Variants in SATB2 observed in about 807,000 individuals in gnomAD.
SATB2 encodes the protein DNA-binding protein SATB2.
A neutral mutation model predicts 73.4 loss-of-function variants in SATB2; 1 was observed. The ratio of observed to expected loss-of-function variants is 0.01; its 90% CI spans 0.00 to 0.06. SATB2 has a LOEUF of 0.06. Among genes scored for constraint, SATB2 ranks in the 10% least tolerant of loss-of-function variants. SATB2 has a pLI of 1.00. For missense variants in SATB2, 459 were observed against 945.8 expected (o/e 0.49, Z 6.75); for synonymous variants, 397 against 367.0 (o/e 1.08, Z -0.93).
At chr2:199,273,144 T>C (rs771066694) in intron 10 of SATB2, among the ~76,000 whole-genome samples, 4 of 152,154 alleles carry the variant, frequency 2.6e-5, no homozygotes, top group Non-Finnish European at 4.4e-5. Flanking sequence ...TCCATAAAAG[T>C]AGGATAAGAA....
At chr2:199,384,064 G>A (rs1296103163) in intron 3 of SATB2, among the ~76,000 whole-genome samples, 1 of 152,104 alleles carries the variant, frequency 6.6e-6, no homozygotes, top group Non-Finnish European at 1.5e-5. Context: ...AGAGGGGAGG[G>A]AGAGAAATCT....
At chr2:199,320,370 G>A (rs1475896961) in intron 9 of SATB2, among the ~76,000 whole-genome samples, 1 of 152,046 alleles carries the variant, frequency 6.6e-6, no homozygotes, top group Non-Finnish European at 1.5e-5. Context: ...CACTAAACTG[G>A]TCCTAAATAG....
intron 8 of SATB2, among the ~76,000 whole-genome samples, chr2:199,327,217 A>T (rs1688053975): frequency 6.6e-6 from 1 of 152,260 alleles, no homozygotes; most frequent in Non-Finnish European, 1.5e-5. Context: ...AGGTGGGCAG[A>T]TTACTTGAGG....
chr2:199,439,934 G>C (rs916065347), intron 2 of SATB2, among the ~76,000 whole-genome samples: 3 of 151,972 alleles, frequency 2.0e-5, no homozygotes, highest in Non-Finnish European at 4.4e-5. Flanking sequence ...TGAGACCCCC[G>C]TATCTACTAA....
intron 6 of SATB2, among the ~76,000 whole-genome samples, chr2:199,357,334 T>C (rs1462292593): frequency 6.6e-6 from 1 of 152,166 alleles, no homozygotes; most frequent in African/African-American, 2.4e-5. Flanking sequence ...GACTGTCAAT[T>C]CAAAAAGTGA....
intron 3 of SATB2, among the ~76,000 whole-genome samples, chr2:199,404,893 A>T (rs2105896392): frequency 6.6e-6 from 1 of 152,344 alleles, no homozygotes; most frequent in African/African-American, 2.4e-5. Context: ...CAGAAGCGCA[A>T]ATCTCCATAT....
intron 9 of SATB2, among the ~76,000 whole-genome samples, chr2:199,321,553 T>TAC (rs913846475): frequency 2.0e-5 from 3 of 151,510 alleles, no homozygotes; most frequent in Non-Finnish European, 2.9e-5. Context: ...TGTATATATA[T>TAC]ACACACATAC....
intron 3 of SATB2, among the ~76,000 whole-genome samples, chr2:199,426,242 A>G (rs1691324088): frequency 6.6e-6 from 1 of 152,180 alleles, no homozygotes; most frequent in Non-Finnish European, 1.5e-5. Context: ...GAAGAAATAG[A>G]GAAAGCAAGA....
upstream of SATB2, among the ~76,000 whole-genome samples, chr2:199,459,096 G>T (rs1692397448): frequency 6.6e-6 from 1 of 152,078 alleles, no homozygotes; most frequent in Non-Finnish European, 1.5e-5. This position sits in a 1 kb window ranked among gnomAD's most constrained non-coding sequence, Gnocchi z 4.2. Context: ...AAACCGGGCC[G>T]CCTGGAGCCC....
In SATB2 at chr2:199,322,228, A is replaced by T. The variant is rs760977573; in HGVS notation, c.1542+1575T>A. ...GACTGTGTGAAACTTTGATATTTACATCAAGTCACAACTAAGGGGCAGGTT... is the reference window on the plus strand; with the variant it reads ...GACTGTGTGAAACTTTGATATTTACTTCAAGTCACAACTAAGGGGCAGGTT... On this transcript the variant is annotated intron_variant, in intron 9 of 10. Transcript: ENST00000417098. Among the ~76,000 whole-genome samples the T allele has an allele frequency of 2.6e-5, 4 of 152,226 alleles. No homozygotes were observed. In the South Asian group the frequency reaches 8.3e-4, roughly 31 times the overall value.
chr2:199,310,818 T>C (rs1010659451), intron 9 of SATB2, among the ~76,000 whole-genome samples: 1 of 152,214 alleles, frequency 6.6e-6, no homozygotes, highest in Admixed American at 6.5e-5. Context: ...CACCTGCTGT[T>C]CTGCTTGAGG....
chr2:199,327,631 CCT>C (rs1559163463), intron 8 of SATB2, among the ~76,000 whole-genome samples: 1 of 151,992 alleles, frequency 6.6e-6, no homozygotes, highest in African/African-American at 2.4e-5. Flanking sequence ...AGAAATGACC[CCT>C]GACTGCCTTG....
At chr2:199,363,468 G>A (rs912476711) in intron 6 of SATB2, among the ~76,000 whole-genome samples, 11 of 152,190 alleles carry the variant, frequency 7.2e-5, no homozygotes, top group Admixed American at 7.2e-4. Context: ...GTAGAGAGTA[G>A]AATGGTGTTT....
chr2:199,439,706 C>G (rs1317263523), intron 2 of SATB2, among the ~76,000 whole-genome samples: 1 of 151,646 alleles, frequency 6.6e-6, no homozygotes, highest in Non-Finnish European at 1.5e-5. Context: ...CTCTCTCTGT[C>G]TCTCTCTCTC....
At position 199,399,051 on chromosome 2, in the gene SATB2, G is replaced by A. The variant is rs186919168; in HGVS notation, c.347-17231C>T. ...TTTGGGAGGCCAAGGTGGGCAGGTC[G>A]CTTAAGCTCACAAGGTCAAGACCAG... On this transcript the variant is annotated intron_variant, in intron 3 of 10. Transcript: ENST00000417098. 1.5e-3 allele frequency among the ~76,000 whole-genome samples: 233 copies of A among 152,166 alleles called. 2 individuals carry two copies. The highest frequency in any genetic ancestry group is 1.1e-3 in the Non-Finnish European group (73 of 67,986).
At chr2:199,373,175 T>A (rs1281319134) in intron 5 of SATB2, among the ~76,000 whole-genome samples, 1 of 152,098 alleles carries the variant, frequency 6.6e-6, no homozygotes, top group Non-Finnish European at 1.5e-5. Context: ...AGGAGGGGCA[T>A]CCCCTAGCCT....
rs184853815 is a variant in SATB2 at position 199,339,079 on chromosome 2, T to G, written c.1173+9622A>C. 7.9e-5 allele frequency among the ~76,000 whole-genome samples: 12 copies of G among 152,146 alleles called. No individual in the cohort carries two copies. In the East Asian group the frequency reaches 2.1e-3, roughly 27 times the overall value. ...GGTGGATTTAGAAGTGAGAGGAGAG[T>G]TGCATATGTTTGACAGCTGCTAAAT... On this transcript the variant is annotated intron_variant, in intron 7 of 10. Transcript: ENST00000417098.
rs1342200578 is a variant in SATB2, at chr2:199,464,720, CTTA to C, written c.-141+113_-141+115del. 1 of 152,230 alleles carries C rather than the reference CTTA, an allele frequency of 6.6e-6. No homozygotes were observed. The highest frequency in any genetic ancestry group is 1.5e-5 in the Non-Finnish European group (1 of 68,062). The allele number at this position is 152,230 out of a possible 1,614,324, so 9.4% of individuals were successfully genotyped here. A position where few individuals can be genotyped will look rare whatever the true frequency, so the allele number is the denominator to read the frequency against. ...GTCGCGTGGCCTACTCGCCTACTCC[CTTA>C]TTATTGGCTGGGACCTGTTCCTTTC... On this transcript the variant is annotated intron_variant, in intron 1 of 11. Transcript: ENST00000260926. This position sits in a 1 kb window ranked among gnomAD's most constrained non-coding sequence, Gnocchi z 6.6.
At chr2:199,283,913 C>T (rs996686371) in intron 10 of SATB2, among the ~76,000 whole-genome samples, 1 of 152,156 alleles carries the variant, frequency 6.6e-6, no homozygotes, top group Non-Finnish European at 1.5e-5. Flanking sequence ...GCACTTGTGT[C>T]ATTGTTGGAC....
Sources: gnomAD v4.1 joint callset for allele counts (sites outside exome capture counted in the v4.1 genomes callset) on GRCh38, gnomAD v4.1.1 for gene constraint, Gnocchi (gnomAD v3.1) non-coding constraint, MANE v1.5 for transcripts, NCBI Gene and HGNC (gene_info 2026-07-23, HGNC 2026-07-21) for gene names.